The following SLC4A11 variants were observed in gnomAD, a reference collection of about 807,000 sequenced individuals.
SLC4A11 encodes the protein bicarbonate transporter related protein 1.
Under a neutral mutation model 95.0 loss-of-function variants are expected in SLC4A11, and 74 were observed. That is an observed-to-expected ratio of 0.78 (90% confidence interval 0.65 to 0.95). SLC4A11 has a LOEUF of 0.95. Ranked by LOEUF, SLC4A11 falls within the 40% of genes least tolerant of loss-of-function variation. SLC4A11 has a pLI of 0.00. For synonymous variants in SLC4A11, 548 were observed against 519.0 expected (o/e 1.06, Z -0.76); for missense variants, 1,081 against 1,192.4 (o/e 0.91, Z 1.38).
upstream of SLC4A11, chr20:3,239,445 C>A: frequency 9.5e-7 from 1 of 1,047,668 alleles, no homozygotes; most frequent in Non-Finnish European, 1.1e-6. Context: ...CTGTGCGCGC[C>A]GGACCCAGCA....
intron 1 of SLC4A11, chr20:3,238,355 G>A (rs2068055060): frequency 1.0e-6 from 1 of 985,328 alleles, no homozygotes; most frequent in Non-Finnish European, 1.2e-6. Context: ...CTCCAGACTC[G>A]GAGACCCCGG....
rs751082144 is a variant in SLC4A11, at chr20:3,230,712, C to T, written c.1282+20G>A. ...ACCAGGGGTCTCAGGCACCATCTCC[C>T]GCCTCAGCCCCCACTGCACCCTGGA... On this transcript the variant is annotated intron_variant, in intron 11 of 19. Transcript: ENST00000642402. 14 of 1,612,900 alleles carry T rather than the reference C, an allele frequency of 8.7e-6. No homozygotes were observed. The highest frequency in any genetic ancestry group is 2.2e-5 in the East Asian group (1 of 44,882).
At position 3,238,473 on chromosome 20, in the gene SLC4A11, G is replaced by T. The variant is rs924369690; in HGVS notation, c.43+622C>A. 11 of 1,018,008 alleles carry T rather than the reference G, an allele frequency of 1.1e-5. No individual in the cohort carries two copies. The African/African-American group carries it at 1.4e-4, about 13-fold the overall frequency. The allele number at this position is 1,018,008 out of a possible 1,614,324, so 63.1% of individuals were successfully genotyped here. ...GCGTCCCAGGCCGTGGGCGACGAGGGTCTGGGAGGGTTGGGCCGGTGCACA... is the reference window on the plus strand; with the variant it reads ...GCGTCCCAGGCCGTGGGCGACGAGGTTCTGGGAGGGTTGGGCCGGTGCACA... On this transcript the variant is annotated intron_variant, in intron 1 of 19. Coordinates refer to ENST00000642402, the MANE Select transcript of SLC4A11 (RefSeq NM_001174089.2).
chr20:3,238,429 G>T (rs956622112), intron 1 of SLC4A11: 4 of 1,040,574 alleles, frequency 3.8e-6, no homozygotes, highest in Non-Finnish European at 4.6e-6. Context: ...CCTGAAGTGG[G>T]GGGCGGGGGC....
At position 3,231,427 on chromosome 20, in the gene SLC4A11, T is replaced by A. The variant is rs139384190; in HGVS notation, c.851A>T (p.His284Leu). ...TEEEFKEALV[H>L]QRQLLTMVSH... ...CACCATGGTGAGCAGCTGTCTCTGATGCACCAAGGCCTCCTTGAATTCCTC... is the reference window on the plus strand; with the variant it reads ...CACCATGGTGAGCAGCTGTCTCTGAAGCACCAAGGCCTCCTTGAATTCCTC... The change falls in exon 8 of 20, where the codon CAT (histidine) becomes CTT (leucine). Residue 284 changes from histidine to leucine, a missense_variant. Coordinates refer to ENST00000642402, the MANE Select transcript of SLC4A11 (RefSeq NM_001174089.2). The surrounding 1 kb of genome is among the most constrained non-coding windows in gnomAD (Gnocchi z 5.2). 1.9e-6 allele frequency: 3 copies of A among 1,613,980 alleles called. No homozygotes were observed. Among genetic ancestry groups the A allele is most frequent in the African/African-American group, 1.3e-5 (1 of 74,924 alleles).
At position 3,234,773 on chromosome 20, in the gene SLC4A11, A is replaced by G; in HGVS notation, c.210T>C (p.Asn70=). 2 of 1,614,018 alleles carry G rather than the reference A, an allele frequency of 1.2e-6. No homozygotes were observed. Among genetic ancestry groups the G allele is most frequent in the South Asian group, 1.1e-5 (1 of 91,080 alleles). ...TGGTGGCCTGCATCTCAAGGTTGACATTGACAAAAAAACGGATACTCTCGC... is the reference window on the plus strand; with the variant it reads ...TGGTGGCCTGCATCTCAAGGTTGACGTTGACAAAAAAACGGATACTCTCGC... The part of the protein sequence containing the change: ...VSGESIRFFV[N]VNLEMQATNT... Residue 70 remains asparagine, a synonymous_variant, in exon 3 of 20, where the codon AAT becomes AAC. Transcript: ENST00000642402. This position sits in a 1 kb window ranked among gnomAD's most constrained non-coding sequence, Gnocchi z 5.8.
At position 3,231,550 on chromosome 20, in the gene SLC4A11, T is replaced by C; in HGVS notation, c.730-2A>G. On this transcript the variant is annotated splice_acceptor_variant, in intron 7 of 19. Transcript: ENST00000642402. LOFTEE classifies it high-confidence loss of function. This position sits in a 1 kb window ranked among gnomAD's most constrained non-coding sequence, Gnocchi z 5.2. ...CTCCATCGCAGTCTTAGTGCTTTTC[T>C]AGGGGTGGAGGATGGGAGTCACCCC... The C allele has an allele frequency of 1.2e-6, 2 of 1,611,282 alleles. No individual in the cohort carries two copies. Among genetic ancestry groups the C allele is most frequent in the Non-Finnish European group, 1.7e-6 (2 of 1,179,442 alleles).
Position 3,234,557 on chromosome 20 carries a change from A to C in SLC4A11, c.291+11T>G, listed in dbSNP as rs2067904093. 2 of 1,613,774 alleles carry C rather than the reference A, an allele frequency of 1.2e-6. No homozygotes were observed. Among genetic ancestry groups the C allele is most frequent in the Non-Finnish European group, 1.7e-6 (2 of 1,179,998 alleles). On this transcript the variant is annotated intron_variant, in intron 4 of 19. Transcript: ENST00000642402. The surrounding 1 kb of genome is among the most constrained non-coding windows in gnomAD (Gnocchi z 5.8). ...GAGGCCCCAGGACCACCTGCAGGAC[A>C]GGCCATTCACCTTTCGGGAGGTGTG...
rs1361769826 is a variant in SLC4A11, at chr20:3,230,854, G to A, written c.1169-9C>T. On this transcript the variant is annotated splice_polypyrimidine_tract_variant and intron_variant, in intron 10 of 19. Coordinates refer to ENST00000642402, the MANE Select transcript of SLC4A11 (RefSeq NM_001174089.2). ...TATGGTCTTCTGCACGTCTGTGGGG[G>A]TGCGGAGGTCAGGTGGGCGCCGCAG... is the stretch of plus-strand genomic sequence containing the variant. 3 of 1,613,260 alleles carry A rather than the reference G, an allele frequency of 1.9e-6. No individual in the cohort carries two copies. The South Asian group carries it at 3.3e-5, about 18-fold the overall frequency.
In SLC4A11 at chr20:3,230,739, G is replaced by A. The variant is rs2122544741; in HGVS notation, c.1275C>T (p.Tyr425=). Residue 425 remains tyrosine (Y), a synonymous_variant, in exon 11 of 20, where the codon TAC becomes TAT. Transcript: ENST00000642402. ...CCTCAGCCCCCACTGCACCCTGGAT[G>A]TAGAGCGCCAGGGGCGCGGTGGTCA... is the stretch of plus-strand genomic sequence containing the variant. ...ILLTTAPLAL[Y]IQVIRVICDD... The A allele has an allele frequency of 1.2e-6, 2 of 1,613,302 alleles. No homozygotes were observed. The highest frequency in any genetic ancestry group is 1.7e-6 in the Non-Finnish European group (2 of 1,180,008).
intron 16 of SLC4A11, 34 bp downstream of exon 16, chr20:3,229,061 C>CG (rs2067650832): frequency 2.8e-5 from 14 of 495,064 alleles, no homozygotes; most frequent in East Asian, 6.9e-5. Flanking sequence ...GAGGCCCGGG[C>CG]CCCGCCCACC....
chr20:3,230,893 C>G, intron 10 of SLC4A11, 40 bp downstream of exon 10: 1 of 1,613,352 alleles, frequency 6.2e-7, no homozygotes. Flanking sequence ...AGGGCCCAGC[C>G]CAGCATACCC....
rs746165543 is a variant in SLC4A11, at chr20:3,231,555, G to A, written c.730-7C>T. On this transcript the variant is annotated splice_region_variant and splice_polypyrimidine_tract_variant and intron_variant, in intron 7 of 19. Coordinates refer to ENST00000642402, the MANE Select transcript of SLC4A11 (RefSeq NM_001174089.2). This position sits in a 1 kb window ranked among gnomAD's most constrained non-coding sequence, Gnocchi z 5.2. ...TCGCAGTCTTAGTGCTTTTCTAGGG[G>A]TGGAGGATGGGAGTCACCCCTAGAA... is the stretch of plus-strand genomic sequence containing the variant. 1.2e-6 allele frequency: 2 copies of A among 1,610,018 alleles called. No homozygotes were observed. Among genetic ancestry groups the A allele is most frequent in the East Asian group, 2.2e-5 (1 of 44,678 alleles).
At position 3,231,235 on chromosome 20, in the gene SLC4A11, T is replaced by G; in HGVS notation, c.956A>C (p.Lys319Thr). The change falls in exon 9 of 20, where the codon AAG becomes ACG. Residue 319 changes from lysine to threonine, a missense_variant. By Grantham distance (78) the Lys-to-Thr change is moderately conservative. Around this residue, in one of 3 missense-constraint regions of SLC4A11, gnomAD observed 767 missense variants for 858.0 expected, o/e 0.89. Transcript: ENST00000642402. The surrounding 1 kb of genome is among the most constrained non-coding windows in gnomAD (Gnocchi z 5.2). ...CCCAAAAGGGACAAAGTCCTTGCAC[T>G]TTGGGGGCTGGAGGAGAGGACAGAG... Reference protein sequence around the residue: ...LPAHRHPEPPKCKDFVPFGKG... With the variant: ...LPAHRHPEPPTCKDFVPFGKG... 6.2e-7 allele frequency: 1 copy of G among 1,613,958 alleles called. No individual in the cohort carries two copies. Among genetic ancestry groups the G allele is most frequent in the East Asian group, 2.2e-5 (1 of 44,868 alleles).
At position 3,238,011 on chromosome 20, in the gene SLC4A11, C is replaced by G. The variant is rs901830978; in HGVS notation, c.44-423G>C. The G allele has an allele frequency of 4.5e-6, 7 of 1,544,558 alleles. No individual in the cohort carries two copies. The African/African-American group carries it at 9.6e-5, about 21-fold the overall frequency. On this transcript the variant is annotated intron_variant, in intron 1 of 19. Coordinates refer to ENST00000642402, the MANE Select transcript of SLC4A11 (RefSeq NM_001174089.2). ...TCGGATGCCAAGGCGGGGGATCTCT[C>G]TGCACATCCCTCTTCTCACTCTCAG...
chr20:3,239,446 G>T (rs1568550511), upstream of SLC4A11: 2 of 1,046,292 alleles, frequency 1.9e-6, no homozygotes, highest in African/African-American at 3.4e-5. Flanking sequence ...TGTGCGCGCC[G>T]GACCCAGCAG....
At chr20:3,232,411 C>T (rs1453716155) in intron 7 of SLC4A11, among the ~76,000 whole-genome samples, 3 of 152,238 alleles carry the variant, frequency 2.0e-5, no homozygotes, top group Admixed American at 6.5e-5. Context: ...AGAAGAGGCC[C>T]GTGCCTGGCA....
rs950347961 is a variant in SLC4A11, at chr20:3,231,705, T to C, written c.730-157A>G. On this transcript the variant is annotated intron_variant, in intron 7 of 19. Coordinates refer to ENST00000642402, the MANE Select transcript of SLC4A11 (RefSeq NM_001174089.2). The surrounding 1 kb of genome is among the most constrained non-coding windows in gnomAD (Gnocchi z 5.2). Reference sequence around the variant, plus strand: ...GGGTCTCACTGTCACCCAGGCTGAGTGCAGTGGCACACTCACGGCTTATCG... The same window carrying C: ...GGGTCTCACTGTCACCCAGGCTGAGCGCAGTGGCACACTCACGGCTTATCG... Among the ~76,000 whole-genome samples, 42 of 152,122 alleles carry C rather than the reference T, an allele frequency of 2.8e-4. No homozygotes were observed. Among genetic ancestry groups the C allele is most frequent in the African/African-American group, 1.0e-3 (42 of 41,412 alleles).
chr20:3,231,232 C>A lies in SLC4A11; in HGVS notation c.959G>T (p.Cys320Phe). 6.2e-7 allele frequency: 1 copy of A among 1,613,996 alleles called. No homozygotes were observed. Among genetic ancestry groups the A allele is most frequent in the Non-Finnish European group, 8.5e-7 (1 of 1,180,028 alleles). Residue 320 changes from cysteine to phenylalanine, a missense_variant, in exon 9 of 20, where the codon TGC becomes TTC. Transcript: ENST00000642402. This position sits in a 1 kb window ranked among gnomAD's most constrained non-coding sequence, Gnocchi z 5.2. ...PAHRHPEPPK[C>F]KDFVPFGKGI... The stretch of plus-strand genomic sequence containing the variant: ...CTTCCCAAAAGGGACAAAGTCCTTG[C>A]ACTTTGGGGGCTGGAGGAGAGGACA...
Sources: gnomAD v4.1 joint callset for allele counts (sites outside exome capture counted in the v4.1 genomes callset) on GRCh38, gnomAD v4.1.1 for gene constraint, gnomAD v4.1.1 regional missense constraint, Gnocchi (gnomAD v3.1) non-coding constraint, MANE v1.5 for transcripts, NCBI Gene and HGNC (gene_info 2026-07-23, HGNC 2026-07-21) for gene names.